CMAS: variants seen among roughly 807,000 people sequenced by gnomAD.
The protein encoded by CMAS is cytidine monophosphate N-acetylneuraminic acid synthetase.
CMAS carries 21 observed loss-of-function variants against 53.4 expected under a neutral mutation model. The observed-to-expected ratio is 0.39, with a 90% CI of 0.28 to 0.57. CMAS has a LOEUF of 0.57. CMAS is among the 20% of genes least tolerant of loss of function. The pLI, the probability that CMAS is intolerant of heterozygous loss-of-function variation, is 0.56. For missense variants in CMAS, 384 were observed against 534.9 expected (o/e 0.72, Z 2.78); for synonymous variants, 189 against 195.2 (o/e 0.97, Z 0.27).
chr12:22,060,788 A>C (rs913285241), intron 4 of CMAS, 44 bp from the exon 5 acceptor site: 20 of 1,086,316 alleles, frequency 1.8e-5, no homozygotes, highest in Non-Finnish European at 2.4e-5. Flanking sequence ...ATATATGTGA[A>C]TGAATATTAA....
At chr12:22,049,396 T>C (rs1157587196) in intron 1 of CMAS, among the ~76,000 whole-genome samples, 2 of 152,182 alleles carry the variant, frequency 1.3e-5, no homozygotes, top group South Asian at 2.1e-4. Flanking sequence ...TGCTATGAAA[T>C]GATTGGAAAA....
intron 7 of CMAS, 122 bp downstream of exon 7, chr12:22,062,556 T>C (rs777564832): frequency 2.3e-4 from 224 of 982,142 alleles, no homozygotes; most frequent in Non-Finnish European, 3.1e-4. Flanking sequence ...AGGAACTCTT[T>C]TAACAAACAC....
chr12:22,058,961 C>T (rs1489330156), intron 4 of CMAS, among the ~76,000 whole-genome samples: 2 of 152,004 alleles, frequency 1.3e-5, no homozygotes, highest in Non-Finnish European at 2.9e-5. Flanking sequence ...GGTGTCTACA[C>T]ATGTCCTGGT....
At position 22,062,423 on chromosome 12, in the gene CMAS, T is replaced by C. The variant is rs769089756; in HGVS notation, c.1103T>C (p.Val368Ala). ...GAAATGGGCCTGTGCTGGAAAGAAG[T>C]GGCATATCTTGGTTGGTATCTTTTT... ...RKEMGLCWKE[V>A]AYLGNEVSDE... The change falls in exon 7 of 8, where the codon GTG becomes GCG. Residue 368 changes from valine to alanine, a missense_variant. Physicochemically the swap from Val to Ala is moderately conservative, Grantham distance 64 (BLOSUM62 0). Transcript: ENST00000229329. 6.2e-7 allele frequency: 1 copy of C among 1,612,784 alleles called. No homozygotes were observed.
chr12:22,064,898 C>G (rs190180850), intron 7 of CMAS, among the ~76,000 whole-genome samples: 10 of 152,260 alleles, frequency 6.6e-5, no homozygotes, highest in Admixed American at 1.3e-4. Flanking sequence ...CATTCTTCTT[C>G]TCTAGCTCAT....
At chr12:22,046,647 G>A in intron 1 of CMAS, 84 bp downstream of exon 1, 1 of 1,375,498 alleles carries the variant, frequency 7.3e-7, no homozygotes, top group South Asian at 1.6e-5. Context: ...GGGGCCTCCG[G>A]GGCCACCGCT....
intron 3 of CMAS, among the ~76,000 whole-genome samples, 158 bp from the exon 4 acceptor site, chr12:22,058,409 A>C (rs566193146): frequency 5.9e-4 from 87 of 147,492 alleles, no homozygotes; most frequent in African/African-American, 1.8e-3. Context: ...TGGGTGACAG[A>C]GCGAGACTCT....
chr12:22,049,707 C>A (rs1404405029), intron 1 of CMAS, among the ~76,000 whole-genome samples: 4 of 152,134 alleles, frequency 2.6e-5, no homozygotes, highest in African/African-American at 9.7e-5. Flanking sequence ...GAGTTGAAGA[C>A]CAGCCTGGCC....
intron 7 of CMAS, among the ~76,000 whole-genome samples, chr12:22,064,293 CAGAG>C (rs374798627): frequency 1.6e-4 from 24 of 152,012 alleles, no homozygotes; most frequent in African/African-American, 4.8e-4. Flanking sequence ...AAGGGGTTAA[CAGAG>C]AGGGAGGAAA....
intron 1 of CMAS, among the ~76,000 whole-genome samples, chr12:22,049,779 C>T (rs1255797170): frequency 6.6e-6 from 1 of 152,074 alleles, no homozygotes; most frequent in African/African-American, 2.4e-5. Flanking sequence ...GTGGTGCATG[C>T]CTGTAATCCC....
intron 4 of CMAS, 105 bp downstream of exon 4, chr12:22,058,805 C>A: frequency 7.4e-7 from 1 of 1,351,690 alleles, no homozygotes; most frequent in Non-Finnish European, 1.0e-6. Flanking sequence ...AGAAAAGTAT[C>A]AACCTATAGA....
intron 6 of CMAS, 63 bp from the exon 7 acceptor site, chr12:22,062,216 TTC>T: frequency 7.0e-7 from 1 of 1,422,010 alleles, no homozygotes; most frequent in Middle Eastern, 1.9e-4. Context: ...TATGAAAGAT[TTC>T]TGTTTTCTTC....
intron 3 of CMAS, 34 bp from the exon 4 acceptor site, chr12:22,058,533 G>A (rs1199044569): frequency 2.5e-6 from 4 of 1,586,794 alleles, no homozygotes; most frequent in Non-Finnish European, 3.4e-6. Flanking sequence ...TATATTCAGG[G>A]CAACGTGGAC....
At position 22,058,659 on chromosome 12, in the gene CMAS, T is replaced by C; in HGVS notation, c.652T>C (p.Tyr218His). 6.2e-7 allele frequency: 1 copy of C among 1,613,882 alleles called. No homozygotes were observed. Among genetic ancestry groups the C allele is most frequent in the Non-Finnish European group, 8.5e-7 (1 of 1,179,880 alleles). ...AGAATTATATGAAAATGGCTCATTTTATTTTGCTAAAAGACATTTGATAGA... is the reference window on the plus strand; with the variant it reads ...AGAATTATATGAAAATGGCTCATTTCATTTTGCTAAAAGACATTTGATAGA... ...DGELYENGSF[Y>H]FAKRHLIEMG... is the part of the protein sequence containing the mutation. The change falls in exon 4 of 8, where the codon TAT becomes CAT. Residue 218 changes from tyrosine (Y) to histidine (H), a missense_variant. By Grantham distance (83) the Tyr-to-His change is moderately conservative. Coordinates refer to ENST00000229329, the MANE Select transcript of CMAS (RefSeq NM_018686.6).
intron 3 of CMAS, 39 bp from the exon 4 acceptor site, chr12:22,058,528 T>G: frequency 6.3e-7 from 1 of 1,579,306 alleles, no homozygotes. Flanking sequence ...CTTTCTATAT[T>G]CAGGGCAACG....
chr12:22,064,280 A>T (rs1462071357), intron 7 of CMAS, among the ~76,000 whole-genome samples: 1 of 152,146 alleles, frequency 6.6e-6, no homozygotes, highest in Non-Finnish European at 1.5e-5. Context: ...TCCTATTCCA[A>T]AAAAGGGGTT....
intron 4 of CMAS, among the ~76,000 whole-genome samples, chr12:22,059,128 T>TTA (rs1216405572): frequency 6.4e-4 from 87 of 136,924 alleles, no homozygotes; most frequent in African/African-American, 1.9e-3. Flanking sequence ...CGGAATCTTT[T>TTA]TATATATATA....
intron 1 of CMAS, among the ~76,000 whole-genome samples, chr12:22,050,694 T>TG (rs1950235572): frequency 6.6e-6 from 1 of 152,116 alleles, no homozygotes. Context: ...GCTCTACTGT[T>TG]GTGTATGTTG....
Position 22,046,374 on chromosome 12 carries a change from C to A in CMAS, c.71C>A (p.Pro24Gln). Residue 24 changes from proline (P) to glutamine (Q), a missense_variant, in exon 1 of 8, where the codon CCG becomes CAG. Coordinates refer to ENST00000229329, the MANE Select transcript of CMAS (RefSeq NM_018686.6). ...CGGGGGCGACCGTCCCGGGGCCGGCCGCCGAAGCTGCAGCGCAACTCTCGC... is the reference window on the plus strand; with the variant it reads ...CGGGGGCGACCGTCCCGGGGCCGGCAGCCGAAGCTGCAGCGCAACTCTCGC... ...NPRGRPSRGR[P>Q]PKLQRNSRGG... 1 of 1,561,080 alleles carries A rather than the reference C, an allele frequency of 6.4e-7. No homozygotes were observed. The highest frequency in any genetic ancestry group is 8.7e-7 in the Non-Finnish European group (1 of 1,154,250).
Sources: allele counts gnomAD v4.1 joint callset (sites outside exome capture counted in the v4.1 genomes callset), GRCh38; gene constraint gnomAD v4.1.1; transcripts MANE v1.5; gene names NCBI Gene and HGNC (gene_info 2026-07-23, HGNC 2026-07-21).